The following LHFPL2 variants were observed in gnomAD, a reference collection of about 807,000 sequenced individuals.
LHFPL2 encodes LHFPL tetraspan subfamily member 2 protein.
Under a neutral mutation model 17.5 loss-of-function variants are expected in LHFPL2, and 7 were observed. That is an observed-to-expected ratio of 0.40 (90% confidence interval 0.23 to 0.75). The LOEUF is 0.75. Ranked by LOEUF, LHFPL2 falls within the 30% of genes least tolerant of loss-of-function variation. The pLI, the probability that LHFPL2 is intolerant of heterozygous loss-of-function variation, is 0.37. For missense variants in LHFPL2, 241 were observed against 294.8 expected, an observed-to-expected ratio of 0.82 and a Z score of 1.34; for synonymous variants, 134 against 116.2, an observed-to-expected ratio of 1.15 and a Z score of -0.99.
intron 3 of LHFPL2, among the ~76,000 whole-genome samples, chr5:78,516,963 G>A (rs1369753081): frequency 2.6e-5 from 4 of 152,152 alleles, no homozygotes; most frequent in Non-Finnish European, 5.9e-5. Context: ...GAGGGGCCTG[G>A]ACATGGGTTC....
chr5:78,546,400 A>C (rs1756275496), intron 3 of LHFPL2, among the ~76,000 whole-genome samples: 1 of 152,224 alleles, frequency 6.6e-6, no homozygotes, highest in Non-Finnish European at 1.5e-5. Context: ...GGCTCTAGCC[A>C]AGAGGGCCTA....
intron 1 of LHFPL2, among the ~76,000 whole-genome samples, chr5:78,637,633 C>T (rs564257355): frequency 2.6e-5 from 4 of 152,308 alleles, no homozygotes; most frequent in African/African-American, 9.6e-5. Context: ...ACGGTTCAGC[C>T]CTGACATTTC....
rs183845318 is a variant in LHFPL2 at position 78,534,782 on chromosome 5, G to C, written c.-185-24384C>G. 3.8e-4 allele frequency among the ~76,000 whole-genome samples: 58 copies of C among 152,298 alleles called. 1 individual carries two copies. In the East Asian group the frequency reaches 0.011, roughly 28 times the overall value. On this transcript the variant is annotated intron_variant, in intron 3 of 4. Coordinates refer to ENST00000380345, the MANE Select transcript of LHFPL2 (RefSeq NM_005779.3). ...CAGCAAATGGTGCCATGAAATCACAGCAAGCTCCTCCACTTCCAGCCACCT... is the reference window on the plus strand; with the variant it reads ...CAGCAAATGGTGCCATGAAATCACACCAAGCTCCTCCACTTCCAGCCACCT...
At chr5:78,566,342 G>A (rs1756858940) in intron 2 of LHFPL2, among the ~76,000 whole-genome samples, 1 of 152,182 alleles carries the variant, frequency 6.6e-6, no homozygotes, top group African/African-American at 2.4e-5. Context: ...ATCTAAAAAC[G>A]TCATTTTAGT....
At chr5:78,538,748 A>G (rs1018985271) in intron 3 of LHFPL2, among the ~76,000 whole-genome samples, 2 of 152,168 alleles carry the variant, frequency 1.3e-5, no homozygotes, top group Non-Finnish European at 2.9e-5. Flanking sequence ...CTTTCTCCAT[A>G]TGATCCCTGT....
At chr5:78,578,892 C>T (rs79008657) in intron 2 of LHFPL2, among the ~76,000 whole-genome samples, 2,459 of 152,240 alleles carry the variant, frequency 0.016, 72 homozygotes, top group African/African-American at 0.056. Context: ...CTATCAGCAA[C>T]GTAGGTGAGC....
At chr5:78,536,014 C>A (rs1340865563) in intron 3 of LHFPL2, among the ~76,000 whole-genome samples, 1 of 152,180 alleles carries the variant, frequency 6.6e-6, no homozygotes, top group African/African-American at 2.4e-5. Flanking sequence ...CAGAGGTATT[C>A]CTGGCCTTTC....
intron 2 of LHFPL2, among the ~76,000 whole-genome samples, chr5:78,608,795 G>A (rs937020306): frequency 1.3e-5 from 2 of 152,014 alleles, no homozygotes; most frequent in East Asian, 1.9e-4. Flanking sequence ...AGCCGGGCGC[G>A]GTGGCGGGCG....
chr5:78,503,012 G>A (rs941219234), intron 4 of LHFPL2, among the ~76,000 whole-genome samples: 1 of 149,342 alleles, frequency 6.7e-6, no homozygotes, highest in Non-Finnish European at 1.5e-5. Flanking sequence ...AAAGAAAAAA[G>A]TTGCTGGCCA....
At chr5:78,586,381 G>T (rs1385036655) in intron 2 of LHFPL2, among the ~76,000 whole-genome samples, 2 of 152,290 alleles carry the variant, frequency 1.3e-5, no homozygotes, top group East Asian at 3.9e-4. Flanking sequence ...ATTTGTGGAG[G>T]AATGCTATCC....
intron 3 of LHFPL2, among the ~76,000 whole-genome samples, chr5:78,529,158 C>T (rs780643645): frequency 7.9e-5 from 12 of 151,498 alleles, no homozygotes; most frequent in Admixed American, 2.6e-4. Context: ...TGGTGGCATG[C>T]GCCTGTAGTC....
intron 2 of LHFPL2, among the ~76,000 whole-genome samples, chr5:78,620,860 G>T (rs1272028059): frequency 6.6e-6 from 1 of 152,106 alleles, no homozygotes; most frequent in Non-Finnish European, 1.5e-5. Flanking sequence ...GACCATGTGT[G>T]TACAGTTTAA....
At chr5:78,612,842 G>A (rs893693371) in intron 2 of LHFPL2, among the ~76,000 whole-genome samples, 1 of 152,250 alleles carries the variant, frequency 6.6e-6, no homozygotes, top group Non-Finnish European at 1.5e-5. Context: ...CAAATGAGCT[G>A]GGGAGACAGT....
chr5:78,563,615 C>A (rs1045567102), intron 3 of LHFPL2, among the ~76,000 whole-genome samples: 2 of 151,340 alleles, frequency 1.3e-5, no homozygotes, highest in Non-Finnish European at 2.9e-5. Context: ...CCAGGAGAAT[C>A]GCTTGAACCC....
At chr5:78,490,551 G>C (rs1019347829) in intron 4 of LHFPL2, among the ~76,000 whole-genome samples, 3 of 151,032 alleles carry the variant, frequency 2.0e-5, no homozygotes, top group East Asian at 2.0e-4. Context: ...AAGAGAGTGA[G>C]ACCATCCTGG....
Position 78,510,121 on chromosome 5 carries a change from T to C in LHFPL2, c.93A>G (p.Ala31=). 1.2e-6 allele frequency: 2 copies of C among 1,613,244 alleles called. No individual in the cohort carries two copies. The highest frequency in any genetic ancestry group is 1.7e-6 in the Non-Finnish European group (2 of 1,179,538). The change falls in exon 4 of 5, where the codon GCA becomes GCG. Residue 31 remains alanine, a synonymous_variant. Coordinates refer to ENST00000380345, the MANE Select transcript of LHFPL2 (RefSeq NM_005779.3). ...TCCTCGCTTTCCCGATCAGCCAGTC[T>C]GCACTCATGAAGGCAATGAGCTCGG... ...AFAELIAFMS[A]DWLIGKARSR... is the part of the protein sequence containing the mutation.
rs868568834 is a variant in LHFPL2 at position 78,581,922 on chromosome 5, T to G, written c.-244-17051A>C. On this transcript the variant is annotated intron_variant, in intron 2 of 4. Coordinates refer to ENST00000380345, the MANE Select transcript of LHFPL2 (RefSeq NM_005779.3). ...TCGGCTGTGAATCCATCTGGTCCTG[T>G]ACTATTTTTGGTTGGTAAGCTATTG... 6.5e-3 allele frequency among the ~76,000 whole-genome samples: 991 copies of G among 152,236 alleles called. 6 individuals carry two copies. The highest frequency in any genetic ancestry group is 0.022 in the African/African-American group (914 of 41,542).
intron 2 of LHFPL2, among the ~76,000 whole-genome samples, chr5:78,609,475 A>AAAG (rs1744341210): frequency 2.8e-5 from 4 of 144,086 alleles, no homozygotes; most frequent in African/African-American, 8.6e-5. Context: ...AAAAAAAAAA[A>AAAG]AGAGAGAGAG....
At chr5:78,531,837 C>G (rs2112359014) in intron 3 of LHFPL2, among the ~76,000 whole-genome samples, 1 of 152,282 alleles carries the variant, frequency 6.6e-6, no homozygotes, top group South Asian at 2.1e-4. Flanking sequence ...TCTCGGCTCA[C>G]TGCAACCTCT....
Sources: allele counts gnomAD v4.1 joint callset (sites outside exome capture counted in the v4.1 genomes callset), GRCh38; gene constraint gnomAD v4.1.1; transcripts MANE v1.5; gene names NCBI Gene and HGNC (gene_info 2026-07-23, HGNC 2026-07-21).